The following PCDHA2 variants were observed in gnomAD, a reference collection of about 807,000 sequenced individuals.
PCDHA2 encodes protocadherin alpha-2.
PCDHA2 carries 58 observed loss-of-function variants against 66.0 expected under a neutral mutation model. That is an observed-to-expected ratio of 0.88 (90% confidence interval 0.71 to 1.09). The LOEUF (loss-of-function observed/expected upper bound fraction) is 1.09, where lower values mean the gene tolerates loss of function less well. PCDHA2 is among the 50% of genes least tolerant of loss of function. The pLI is 0.00. For synonymous variants in PCDHA2, 634 were observed against 554.0 expected (o/e 1.14, Z -2.03); for missense variants, 1,267 against 1,242.3 (o/e 1.02, Z -0.30).
chr5:140,805,893 C>T (rs987630625), intron 1 of PCDHA2, among the ~76,000 whole-genome samples: 4 of 152,102 alleles, frequency 2.6e-5, no homozygotes, highest in Non-Finnish European at 4.4e-5. Flanking sequence ...AGGAAGCAAA[C>T]ATTTTCTGCA....
At chr5:140,875,723 T>G in intron 1 of PCDHA2, 1 of 1,614,194 alleles carries the variant, frequency 6.2e-7, no homozygotes, top group South Asian at 1.1e-5. Context: ...AATGGCATTT[T>G]GTTTGTGAAT....
At chr5:140,966,502 G>C in intron 1 of PCDHA2, 1 of 433,894 alleles carries the variant, frequency 2.3e-6, no homozygotes, top group Non-Finnish European at 4.0e-6. Flanking sequence ...GAGCTGTAGC[G>C]GCAGCAGCAG....
At chr5:140,906,966 G>A (rs1401949243) in intron 1 of PCDHA2, among the ~76,000 whole-genome samples, 5 of 152,120 alleles carry the variant, frequency 3.3e-5, no homozygotes, top group African/African-American at 1.2e-4. Context: ...TGGAATCGTG[G>A]TTGTGTCTTC....
At chr5:140,838,555 C>T (rs1775778485) in intron 1 of PCDHA2, among the ~76,000 whole-genome samples, 1 of 151,794 alleles carries the variant, frequency 6.6e-6, no homozygotes, top group Non-Finnish European at 1.5e-5. Flanking sequence ...ATTTATTCAT[C>T]CAGTACTGTA....
intron 1 of PCDHA2, chr5:140,824,124 C>G (rs2150132311): frequency 3.7e-5 from 59 of 1,613,132 alleles, no homozygotes; most frequent in Non-Finnish European, 4.8e-5. Flanking sequence ...CCTCTACAGA[C>G]AACGTGAGTT....
intron 1 of PCDHA2, among the ~76,000 whole-genome samples, chr5:140,892,396 T>G (rs1263522999): frequency 1.3e-5 from 2 of 152,212 alleles, no homozygotes; most frequent in Non-Finnish European, 2.9e-5. Context: ...TCTTAATCTA[T>G]TTCAAGCTTC....
chr5:140,830,592 A>G (rs1771150807), intron 1 of PCDHA2: 1 of 705,520 alleles, frequency 1.4e-6, no homozygotes, highest in Non-Finnish European at 2.1e-6. Flanking sequence ...TTAATTTTAC[A>G]AAATTACATA....
At chr5:140,933,401 C>T (rs1382982699) in intron 1 of PCDHA2, among the ~76,000 whole-genome samples, 1 of 151,928 alleles carries the variant, frequency 6.6e-6, no homozygotes, top group African/African-American at 2.4e-5. Flanking sequence ...ATCTGGTTAC[C>T]ATCTACAGAT....
chr5:140,796,586 G>T lies in PCDHA2; in HGVS notation c.1622G>T (p.Gly541Val). 6.2e-7 allele frequency: 1 copy of T among 1,613,394 alleles called. No individual in the cohort carries two copies. ...LQFQVSARDAGVPPLGSNVTL... is the reference protein window; with the variant it reads ...LQFQVSARDAVVPPLGSNVTL... ...TTCCAGGTGAGCGCGCGGGATGCGG[G>T]CGTGCCGCCTCTGGGCAGCAACGTG... Residue 541 changes from glycine (G) to valine (V), a missense_variant, in exon 1 of 4, where the codon GGC becomes GTC. By Grantham distance (109) the Gly-to-Val change is moderately radical. Coordinates refer to ENST00000526136, the MANE Select transcript of PCDHA2 (RefSeq NM_018905.3).
intron 1 of PCDHA2, among the ~76,000 whole-genome samples, chr5:140,975,280 T>G (rs914764307): frequency 5.3e-5 from 8 of 152,252 alleles, no homozygotes; most frequent in Admixed American, 3.9e-4. Context: ...CTCTGACCTC[T>G]AGACCCAGAT....
At chr5:140,800,606 A>T (rs1762579250) in intron 1 of PCDHA2, among the ~76,000 whole-genome samples, 1 of 152,212 alleles carries the variant, frequency 6.6e-6, no homozygotes, top group African/African-American at 2.4e-5. Context: ...CTTGAATCAG[A>T]TTGAAATCCC....
intron 1 of PCDHA2, chr5:140,802,074 T>C: frequency 6.2e-7 from 1 of 1,614,184 alleles, no homozygotes; most frequent in Non-Finnish European, 8.5e-7. Context: ...TCTGTCAAAA[T>C]TCCATTTAGA....
At chr5:140,809,774 A>G (rs1554125354) in intron 1 of PCDHA2, 1 of 542,970 alleles carries the variant, frequency 1.8e-6, no homozygotes, top group Non-Finnish European at 3.1e-6. Flanking sequence ...GCATTATTCA[A>G]TGCATATTAA....
chr5:140,803,046 G>A lies in PCDHA2; in HGVS notation c.2388+5694G>A, dbSNP rs1554122549. On this transcript the variant is annotated intron_variant, in intron 1 of 3. Transcript: ENST00000526136. Reference sequence around the variant, plus strand: ...GTATGAGCTGCAGCCTGGGACCGGCGGTGCGCGCATCCCGTTTCGCGTGGG... The same window carrying A: ...GTATGAGCTGCAGCCTGGGACCGGCAGTGCGCGCATCCCGTTTCGCGTGGG... 3.1e-6 allele frequency: 5 copies of A among 1,614,006 alleles called. No homozygotes were observed. The Admixed American group carries it at 6.7e-5, about 22-fold the overall frequency.
chr5:140,940,940 G>A (rs187772223), intron 1 of PCDHA2, among the ~76,000 whole-genome samples: 2 of 152,254 alleles, frequency 1.3e-5, no homozygotes, highest in Non-Finnish European at 2.9e-5. Context: ...CTTAGACTAC[G>A]TATTCTCAGA....
In PCDHA2 at chr5:140,855,835, T is replaced by C. The variant is rs1165073969; in HGVS notation, c.2388+58483T>C. On this transcript the variant is annotated intron_variant, in intron 1 of 3. Transcript: ENST00000526136. ...AGTTGTGAACTCATGGAATCGTACT[T>C]ACACCTAAAGCCACCGGATGTCGCT... The C allele has an allele frequency of 6.7e-5, 40 of 599,476 alleles. 4 individuals carry two copies. The highest frequency in any genetic ancestry group is 1.1e-4 in the Non-Finnish European group (39 of 347,470). 37.1% of individuals were successfully genotyped at this position (599,476 alleles called of 1,614,324 possible). A position where few individuals can be genotyped will look rare whatever the true frequency, so the allele number is the denominator to read the frequency against.
chr5:140,801,254 G>A (rs782680860), intron 1 of PCDHA2: 2 of 1,613,704 alleles, frequency 1.2e-6, no homozygotes, highest in East Asian at 2.2e-5. Context: ...TTTCTCTTCT[G>A]CTCCTCGCAG....
At chr5:140,974,647 G>GATT (rs2096635431) in intron 1 of PCDHA2, among the ~76,000 whole-genome samples, 1 of 152,068 alleles carries the variant, frequency 6.6e-6, no homozygotes, top group African/African-American at 2.4e-5. Context: ...GAGTAGCTGA[G>GATT]ATTACAGGCA....
At chr5:140,878,837 A>G (rs6885420) in intron 1 of PCDHA2, among the ~76,000 whole-genome samples, 4 of 152,334 alleles carry the variant, frequency 2.6e-5, no homozygotes, top group Admixed American at 2.6e-4. Context: ...AGGCTGGACT[A>G]GAACTTCTGG....
Sources: gnomAD v4.1 joint callset for allele counts (sites outside exome capture counted in the v4.1 genomes callset) on GRCh38, gnomAD v4.1.1 for gene constraint, MANE v1.5 for transcripts, NCBI Gene and HGNC (gene_info 2026-07-23, HGNC 2026-07-21) for gene names.